Variants in PAM observed in about 807,000 individuals in gnomAD.
PAM encodes peptidyl-glycine alpha-amidating monooxygenase.
In PAM, 72 loss-of-function variants were observed where a neutral mutation model predicts 122.1. The ratio of observed to expected loss-of-function variants is 0.59; its 90% CI spans 0.49 to 0.72. The LOEUF (loss-of-function observed/expected upper bound fraction) is 0.72, where lower values mean the gene tolerates loss of function less well. PAM is among the 30% of genes least tolerant of loss of function. The probability of loss-of-function intolerance (pLI) is 0.00; values close to 1 mark genes in which losing one functional copy is unlikely to be tolerated. For synonymous variants in PAM, 389 were observed against 404.4 expected (o/e 0.96, Z 0.46); for missense variants, 1,106 against 1,183.7 (o/e 0.93, Z 0.96).
intron 15 of PAM, among the ~76,000 whole-genome samples, chr5:102,989,092 C>G (rs572653655): frequency 6.6e-6 from 1 of 152,142 alleles, no homozygotes; most frequent in Non-Finnish European, 1.5e-5. Context: ...TTGGGAGGGA[C>G]AGAAATATCA....
chr5:102,970,785 CT>C (rs34274728), intron 14 of PAM, among the ~76,000 whole-genome samples: 61,324 of 151,290 alleles, frequency 0.41, 12,982 homozygotes, highest in African/African-American at 0.53. Flanking sequence ...CCTAAAAGGG[CT>C]TTTTTTTTAA....
intron 19 of PAM, 98 bp downstream of exon 19, chr5:103,007,109 T>G: frequency 1.1e-6 from 1 of 893,974 alleles, no homozygotes; most frequent in Non-Finnish European, 1.7e-6. Flanking sequence ...GCTGTAATTG[T>G]CCCCTACAGG....
chr5:102,993,076 G>C (rs1255811037), intron 16 of PAM, among the ~76,000 whole-genome samples: 1 of 151,912 alleles, frequency 6.6e-6, no homozygotes, highest in Admixed American at 6.6e-5. Flanking sequence ...AATATACATA[G>C]CAACCAAAAT....
chr5:102,850,530 G>A (rs1781099620), intron 1 of PAM, among the ~76,000 whole-genome samples: 1 of 152,168 alleles, frequency 6.6e-6, no homozygotes, highest in African/African-American at 2.4e-5. Context: ...TGTGTGAGTA[G>A]GCAGTTAGAA....
chr5:102,928,920 T>C (rs1750514530), intron 7 of PAM, among the ~76,000 whole-genome samples: 1 of 152,150 alleles, frequency 6.6e-6, no homozygotes. Flanking sequence ...TGGAAAGTTC[T>C]CAAATGGCCC....
intron 1 of PAM, among the ~76,000 whole-genome samples, chr5:102,807,740 T>C (rs939748915): frequency 5.9e-5 from 9 of 152,354 alleles, no homozygotes; most frequent in Admixed American, 3.3e-4. Context: ...ATGTTTGTAA[T>C]GTGACAGTGT....
intron 1 of PAM, among the ~76,000 whole-genome samples, chr5:102,790,069 G>T (rs1761658791): frequency 6.6e-6 from 1 of 152,048 alleles, no homozygotes; most frequent in South Asian, 2.1e-4. Context: ...CATGGAAGAT[G>T]CTCAGTAAAT....
chr5:102,958,924 A>G (rs878860100), intron 12 of PAM, among the ~76,000 whole-genome samples: 3 of 152,100 alleles, frequency 2.0e-5, no homozygotes, highest in African/African-American at 4.8e-5. Context: ...AAAATTGTCA[A>G]TACTAATACT....
In PAM at chr5:102,876,289, G is replaced by T. The variant is rs184381261; in HGVS notation, c.210+8896G>T. On this transcript the variant is annotated intron_variant, in intron 3 of 25. Transcript: ENST00000438793. The stretch of plus-strand genomic sequence containing the variant: ...CCCAAGCACCATCCTCTCTTTCCTG[G>T]ATTATTATAATATCCCTCCTAACTG... Among the ~76,000 whole-genome samples the T allele has an allele frequency of 2.0e-5, 3 of 152,106 alleles. No homozygotes were observed. In the East Asian group the frequency reaches 5.8e-4, roughly 29 times the overall value.
intron 24 of PAM, among the ~76,000 whole-genome samples, chr5:103,026,430 A>G (rs2030276246): frequency 6.6e-6 from 1 of 152,242 alleles, no homozygotes; most frequent in South Asian, 2.1e-4. Flanking sequence ...AATATGTTGT[A>G]AAAGGGAATT....
chr5:102,972,695 C>T (rs1241857567), intron 14 of PAM, among the ~76,000 whole-genome samples: 2 of 152,172 alleles, frequency 1.3e-5, no homozygotes, highest in African/African-American at 4.8e-5. Flanking sequence ...ATGTGTGGTA[C>T]ACGAGAATTT....
At chr5:102,837,637 T>G (rs1373508748) in intron 1 of PAM, 1 of 152,226 alleles carries the variant, frequency 6.6e-6, no homozygotes, top group Non-Finnish European at 1.5e-5. Context: ...AAAAGGTACA[T>G]TAATCACTAG....
chr5:102,893,526 T>C (rs1303128422), intron 3 of PAM, among the ~76,000 whole-genome samples: 15 of 151,822 alleles, frequency 9.9e-5, no homozygotes, highest in Admixed American at 9.9e-4. Flanking sequence ...TTTATAAATA[T>C]GCTGAAGTCT....
chr5:102,773,394 G>C (rs1756309480), intron 1 of PAM, among the ~76,000 whole-genome samples: 1 of 151,976 alleles, frequency 6.6e-6, no homozygotes, highest in Non-Finnish European at 1.5e-5. Flanking sequence ...GGCTTTGTAG[G>C]CCACATGTGA....
At position 102,967,739 on chromosome 5, in the gene PAM, G is replaced by A. The variant is rs552949893; in HGVS notation, c.1163-6377G>A. On this transcript the variant is annotated intron_variant, in intron 14 of 25. Coordinates refer to ENST00000438793, the MANE Select transcript of PAM (RefSeq NM_001177306.2). ...GCCTTTTTTTTTTTTTTTTTGAGAT[G>A]GAGTCTTGCACTGTCGCCCAGGCTG... 3.7e-4 allele frequency among the ~76,000 whole-genome samples: 44 copies of A among 120,010 alleles called. No individual in the cohort carries two copies. The East Asian group carries it at 3.8e-3, about 10-fold the overall frequency. 78.7% of individuals were successfully genotyped at this position (120,010 alleles called of 152,430 possible).
intron 1 of PAM, among the ~76,000 whole-genome samples, chr5:102,844,460 A>G (rs889763900): frequency 6.6e-6 from 1 of 152,116 alleles, no homozygotes; most frequent in Non-Finnish European, 1.5e-5. Flanking sequence ...AGGCCACAAG[A>G]GATTGAGACC....
chr5:102,959,135 T>C (rs1272921624), intron 12 of PAM, among the ~76,000 whole-genome samples: 1 of 152,184 alleles, frequency 6.6e-6, no homozygotes, highest in Non-Finnish European at 1.5e-5. Context: ...AAATATCCAC[T>C]GTTTTAAAAT....
chr5:102,870,855 G>T (rs111703344), intron 3 of PAM, among the ~76,000 whole-genome samples: 2 of 152,232 alleles, frequency 1.3e-5, no homozygotes, highest in African/African-American at 4.8e-5. Flanking sequence ...TTTTAGCACT[G>T]TTTCTTTCTT....
intron 7 of PAM, 23 bp from the exon 8 acceptor site, chr5:102,946,814 T>C (rs150582960): frequency 6.9e-7 from 1 of 1,443,562 alleles, no homozygotes; most frequent in Non-Finnish European, 9.7e-7. Context: ...ATTTAAGATA[T>C]GTGTTTCTAT....
Sources: gnomAD v4.1 joint callset for allele counts (sites outside exome capture counted in the v4.1 genomes callset) on GRCh38, gnomAD v4.1.1 for gene constraint, MANE v1.5 for transcripts, NCBI Gene and HGNC (gene_info 2026-07-23, HGNC 2026-07-21) for gene names.